Variants in PCARE observed in about 807,000 individuals in gnomAD.
PCARE encodes the protein photoreceptor cilium actin regulator, also known as uncharacterized protein C2orf71.
PCARE carries 72 observed loss-of-function variants against 82.2 expected under a neutral mutation model. That is an observed-to-expected ratio of 0.88 (90% CI 0.72 to 1.07). The LOEUF is 1.07. PCARE is among the 50% of genes least tolerant of loss of function. PCARE has a pLI of 0.00. For synonymous variants in PCARE, 705 were observed against 634.8 expected, an observed-to-expected ratio of 1.11 and a Z score of -1.66; for missense variants, 1,768 against 1,592.4, an observed-to-expected ratio of 1.11 and a Z score of -1.88.
In PCARE at chr2:29,072,374, C is replaced by A; in HGVS notation, c.1888G>T (p.Gly630Cys). 6.2e-7 allele frequency: 1 copy of A among 1,614,132 alleles called. No homozygotes were observed. The highest frequency in any genetic ancestry group is 1.1e-5 in the South Asian group (1 of 91,084). The change falls in exon 1 of 2, where the codon GGT becomes TGT. Residue 630 changes from glycine (G) to cysteine (C), a missense_variant. By Grantham distance (159) the Gly-to-Cys change is radical. Transcript: ENST00000331664. ...TGGCTCTGCCCCTGCCCTTTGGCAC[C>A]CAGGGCATAAAATGCCTCCAGCTTC... ...SQKLEAFYAL[G>C]AKGQGQSQEQ... is the part of the protein sequence containing the mutation.
At chr2:29,067,259 G>A (rs936722233) in intron 1 of PCARE, among the ~76,000 whole-genome samples, 16 of 152,172 alleles carry the variant, frequency 1.1e-4, no homozygotes, top group African/African-American at 3.9e-4. Flanking sequence ...CCTAGTCCCT[G>A]GTGGTGTTTC....
At position 29,070,570 on chromosome 2, in the gene PCARE, C is replaced by T. The variant is rs745968092; in HGVS notation, c.3668+24G>A. 3.7e-6 allele frequency: 6 copies of T among 1,613,426 alleles called. No homozygotes were observed. The Admixed American group carries it at 5.0e-5, about 13-fold the overall frequency. On this transcript the variant is annotated intron_variant, in intron 1 of 1. Transcript: ENST00000331664. The stretch of plus-strand genomic sequence containing the variant: ...CTCTCTAGTCCAAGCCGCTGAAGGG[C>T]AGTGACCCCAGGACACTCCTTACCT...
chr2:29,071,964 G>T lies in PCARE; in HGVS notation c.2298C>A (p.Pro766=), dbSNP rs757483315. ...CAAGCCCTGTGTACTTGGGAAATCT[G>T]GGGGGCATGATGCAATTCCTGAGGC... ...SPCLRNCIMP[P]RFPKYTGLAP... is the part of the protein sequence containing the mutation. Residue 766 remains proline (P), a synonymous_variant, in exon 1 of 2, where the codon CCC becomes CCA. Coordinates refer to ENST00000331664, the MANE Select transcript of PCARE (RefSeq NM_001029883.3). 39 of 1,613,852 alleles carry T rather than the reference G, an allele frequency of 2.4e-5. No homozygotes were observed. Among genetic ancestry groups the T allele is most frequent in the Non-Finnish European group, 3.3e-5 (39 of 1,179,886 alleles).
At chr2:29,067,150 G>T (rs573720893) in intron 1 of PCARE, among the ~76,000 whole-genome samples, 4 of 152,320 alleles carry the variant, frequency 2.6e-5, no homozygotes, top group African/African-American at 9.6e-5. Context: ...TCATGGGTGT[G>T]GTTGTGTCCC....
Position 29,074,217 on chromosome 2 carries a change from T to G in PCARE, c.45A>C (p.Ala15=). Residue 15 remains alanine (A), a synonymous_variant, in exon 1 of 2, where the codon GCA becomes GCC. Transcript: ENST00000331664. ...PSHSDLVNSV[A]KSGIQFLKKP... ...TTTTCAAGAACTGAATGCCACTCTT[T>G]GCAACGCTGTTTACAAGGTCACTGT... 2 of 1,585,710 alleles carry G rather than the reference T, an allele frequency of 1.3e-6. No homozygotes were observed. Among genetic ancestry groups the G allele is most frequent in the Non-Finnish European group, 1.7e-6 (2 of 1,165,784 alleles).
Position 29,064,918 on chromosome 2 carries a change from T to C in PCARE, c.3818A>G (p.Gln1273Arg), listed in dbSNP as rs1223293482. 6.2e-7 allele frequency: 1 copy of C among 1,611,952 alleles called. No individual in the cohort carries two copies. The highest frequency in any genetic ancestry group is 8.5e-7 in the Non-Finnish European group (1 of 1,179,840). ...CTGCGCCTCTGGCTGGGATTTGTCC[T>C]GGATGTGGCCGGTCCGAGGCTCCGG... is the stretch of plus-strand genomic sequence containing the variant. ...LQPEPRTGHI[Q>R]DKSQPEAQPQ... is the part of the protein sequence containing the mutation. The change falls in exon 2 of 2, where the codon CAG (glutamine) becomes CGG (arginine). Residue 1273 changes from glutamine (Q) to arginine (R), a missense_variant. By Grantham distance (43) the Gln-to-Arg change is conservative. Transcript: ENST00000331664.
In PCARE at chr2:29,073,545, A is replaced by G; in HGVS notation, c.717T>C (p.Asp239=). 3 of 1,614,156 alleles carry G rather than the reference A, an allele frequency of 1.9e-6. No homozygotes were observed. Among genetic ancestry groups the G allele is most frequent in the Non-Finnish European group, 2.5e-6 (3 of 1,180,036 alleles). ...TGACTTCCTGCAGGAGCACTTCTCC[A>G]TCCTTGGAGATCTCCCCCAACAGCT... is the stretch of plus-strand genomic sequence containing the variant. The part of the protein sequence containing the change: ...ISQLLGEISK[D]GEVLLQEVRE... Residue 239 remains aspartate (D), a synonymous_variant, in exon 1 of 2, where the codon GAT becomes GAC. Coordinates refer to ENST00000331664, the MANE Select transcript of PCARE (RefSeq NM_001029883.3).
Position 29,071,792 on chromosome 2 carries a change from C to G in PCARE, c.2470G>C (p.Glu824Gln). The change falls in exon 1 of 2, where the codon GAG becomes CAG. Residue 824 changes from glutamate (E) to glutamine (Q), a missense_variant. Glu to Gln is a conservative substitution (Grantham distance 29). Transcript: ENST00000331664. Reference sequence around the variant, plus strand: ...GGAGGGAGGTGCTCGAGGTTCCCCTCCATTTCACAGCTGAGCTCCTCACTC... The same window carrying G: ...GGAGGGAGGTGCTCGAGGTTCCCCTGCATTTCACAGCTGAGCTCCTCACTC... ...AKSEELSCEMEGNLEHLPPPP... is the reference protein window; with the variant it reads ...AKSEELSCEMQGNLEHLPPPP... 1 of 1,613,768 alleles carries G rather than the reference C, an allele frequency of 6.2e-7. No individual in the cohort carries two copies. The highest frequency in any genetic ancestry group is 8.5e-7 in the Non-Finnish European group (1 of 1,179,680).
chr2:29,066,605 G>A (rs1266642783), intron 1 of PCARE, among the ~76,000 whole-genome samples: 1 of 152,264 alleles, frequency 6.6e-6, no homozygotes, highest in Non-Finnish European at 1.5e-5. Flanking sequence ...ATCGAGGTGG[G>A]TGGTAGGAGT....
rs367658438 is a variant in PCARE at position 29,071,260 on chromosome 2, C to G, written c.3002G>C (p.Trp1001Ser). Residue 1001 changes from tryptophan (W) to serine (S), a missense_variant, in exon 1 of 2, where the codon TGG (tryptophan) becomes TCG (serine). Coordinates refer to ENST00000331664, the MANE Select transcript of PCARE (RefSeq NM_001029883.3). ...GCGCCTCTTGTCTGCTTGAGGCACC[C>G]AGTGTGTCCTCGTGGGAGAGGCCTT... is the stretch of plus-strand genomic sequence containing the variant. ...GRKASPTRTH[W>S]VPQADKRRRS... The G allele has an allele frequency of 6.8e-6, 11 of 1,613,220 alleles. No homozygotes were observed. In the Admixed American group the frequency reaches 1.2e-4, roughly 17 times the overall value.
chr2:29,073,156 G>T lies in PCARE; in HGVS notation c.1106C>A (p.Thr369Asn). ...VQSVDKLGKQ[T>N]SWDLAPEPEE... ...GGGCTCTGGTGCAAGGTCCCAGCTG[G>T]TTTGCTTGCCCAGCTTGTCCACCGA... The change falls in exon 1 of 2, where the codon ACC becomes AAC. Residue 369 changes from threonine to asparagine, a missense_variant. Coordinates refer to ENST00000331664, the MANE Select transcript of PCARE (RefSeq NM_001029883.3). The T allele has an allele frequency of 6.2e-7, 1 of 1,614,130 alleles. No homozygotes were observed.
chr2:29,065,182 C>G, intron 1 of PCARE, 115 bp from the exon 2 acceptor site: 4 of 1,242,970 alleles, frequency 3.2e-6, no homozygotes, highest in Non-Finnish European at 4.5e-6. Context: ...TCCCACAAGC[C>G]TGTTCACCCT....
Position 29,072,363 on chromosome 2 carries a change from C to T in PCARE, c.1899G>A (p.Gly633=), listed in dbSNP as rs753536147. The T allele has an allele frequency of 1.2e-6, 2 of 1,614,008 alleles. No homozygotes were observed. The change falls in exon 1 of 2, where the codon GGG becomes GGA. Residue 633 remains glycine (G), a synonymous_variant. Transcript: ENST00000331664. ...LEAFYALGAK[G]QGQSQEQILQ... The stretch of plus-strand genomic sequence containing the variant: ...GAATTTGCTCCTGGCTCTGCCCCTG[C>T]CCTTTGGCACCCAGGGCATAAAATG...
chr2:29,072,989 G>A lies in PCARE; in HGVS notation c.1273C>T (p.Arg425Ter), dbSNP rs1439930038. 11 of 1,614,132 alleles carry A rather than the reference G, an allele frequency of 6.8e-6. No homozygotes were observed. The highest frequency in any genetic ancestry group is 2.2e-5 in the South Asian group (2 of 91,072). Residue 425 changes from arginine to a stop codon, truncating the protein, a stop_gained, in exon 1 of 2, where the codon CGA becomes TGA. Transcript: ENST00000331664. LOFTEE classifies it high-confidence loss of function. ...SGAPMAKVQP[R>*]AQDEARSPCL... ...GGGCTCCTTGCTTCGTCCTGTGCTCGTGGCTGAACCTTTGCCATAGGAGCC... is the reference window on the plus strand; with the variant it reads ...GGGCTCCTTGCTTCGTCCTGTGCTCATGGCTGAACCTTTGCCATAGGAGCC...
chr2:29,071,181 C>T lies in PCARE; in HGVS notation c.3081G>A (p.Gln1027=). Residue 1027 remains glutamine (Q), a synonymous_variant, in exon 1 of 2, where the codon CAG becomes CAA. Coordinates refer to ENST00000331664, the MANE Select transcript of PCARE (RefSeq NM_001029883.3). The part of the protein sequence containing the change: ...RPAQPSPSAV[Q]TPPSPPVSPR... ...GGCTCACAGGTGGGCTGGGGGGCGT[C>T]TGCACAGCAGAGGGGCTTGGCTGGG... The T allele has an allele frequency of 1.3e-6, 2 of 1,589,652 alleles. No individual in the cohort carries two copies. Among genetic ancestry groups the T allele is most frequent in the East Asian group, 4.5e-5 (2 of 44,608 alleles).
At position 29,072,986 on chromosome 2, in the gene PCARE, C is replaced by G. The variant is rs374449815; in HGVS notation, c.1276G>C (p.Ala426Pro). 1.9e-5 allele frequency: 31 copies of G among 1,614,046 alleles called. No homozygotes were observed. The highest frequency in any genetic ancestry group is 2.7e-5 in the African/African-American group (2 of 74,920). Residue 426 changes from alanine (A) to proline (P), a missense_variant, in exon 1 of 2, where the codon GCA (alanine) becomes CCA (proline). Transcript: ENST00000331664. Reference sequence around the variant, plus strand: ...CATGGGCTCCTTGCTTCGTCCTGTGCTCGTGGCTGAACCTTTGCCATAGGA... The same window carrying G: ...CATGGGCTCCTTGCTTCGTCCTGTGGTCGTGGCTGAACCTTTGCCATAGGA... ...GAPMAKVQPRAQDEARSPCLS... is the reference protein window; with the variant it reads ...GAPMAKVQPRPQDEARSPCLS...
intron 1 of PCARE, among the ~76,000 whole-genome samples, chr2:29,069,896 C>G (rs1483031791): frequency 1.3e-5 from 2 of 152,068 alleles, no homozygotes; most frequent in Non-Finnish European, 2.9e-5. Context: ...CATCCTGGGA[C>G]CAAATAGCTT....
intron 1 of PCARE, among the ~76,000 whole-genome samples, chr2:29,069,157 T>C (rs562014431): frequency 6.6e-6 from 1 of 152,208 alleles, no homozygotes; most frequent in African/African-American, 2.4e-5. Flanking sequence ...GCTAAAAAGG[T>C]TTGAAAAAAT....
At position 29,071,752 on chromosome 2, in the gene PCARE, A is replaced by C. The variant is rs766160974; in HGVS notation, c.2510T>G (p.Val837Gly). Residue 837 changes from valine to glycine, a missense_variant, in exon 1 of 2, where the codon GTT becomes GGT. Transcript: ENST00000331664. ...AGAAGCGAATGATTTGTCCATCAGA[A>C]CTTCCATAGGCGGTGGAGGGAGGTG... ...LEHLPPPPME[V>G]LMDKSFASLE... is the part of the protein sequence containing the mutation. The C allele has an allele frequency of 1.2e-6, 2 of 1,613,496 alleles. No individual in the cohort carries two copies. The highest frequency in any genetic ancestry group is 4.5e-5 in the East Asian group (2 of 44,878).
Sources: gnomAD v4.1 joint callset for allele counts (sites outside exome capture counted in the v4.1 genomes callset) on GRCh38, gnomAD v4.1.1 for gene constraint, MANE v1.5 for transcripts, NCBI Gene and HGNC (gene_info 2026-07-23, HGNC 2026-07-21) for gene names.